Variants in ACOXL observed in about 807,000 individuals in gnomAD.
ACOXL encodes acyl-CoA oxidase like, also known as acyl-coenzyme A oxidase-like protein.
Under a neutral mutation model 71.9 loss-of-function variants are expected in ACOXL, and 70 were observed. The observed-to-expected ratio is 0.97, with a 90% CI of 0.80 to 1.19. The LOEUF is 1.19. ACOXL is among the 50% of genes most tolerant of loss of function. The pLI is 0.00. For synonymous variants in ACOXL, 253 were observed against 281.6 expected, an observed-to-expected ratio of 0.90 and a Z score of 1.02; for missense variants, 703 against 736.3, an observed-to-expected ratio of 0.95 and a Z score of 0.52.
intron 9 of ACOXL, among the ~76,000 whole-genome samples, chr2:110,807,732 C>T (rs796466732): frequency 3.3e-4 from 50 of 152,240 alleles, no homozygotes; most frequent in African/African-American, 1.0e-3. Flanking sequence ...ATGATCTCAC[C>T]GGCCCTCTTG....
intron 17 of ACOXL, 40 bp downstream of exon 17, chr2:111,093,006 G>A: frequency 6.6e-7 from 1 of 1,510,548 alleles, no homozygotes; most frequent in Non-Finnish European, 9.1e-7. Flanking sequence ...TTGTACATCA[G>A]CCCTGGTCTC....
At chr2:111,044,543 C>T (rs2065928304) in intron 15 of ACOXL, among the ~76,000 whole-genome samples, 1 of 152,220 alleles carries the variant, frequency 6.6e-6, no homozygotes, top group Non-Finnish European at 1.5e-5. Flanking sequence ...TTTCTGAGCA[C>T]TGAAGCCCCA....
chr2:111,066,081 G>C (rs186965710), intron 16 of ACOXL, among the ~76,000 whole-genome samples: 12 of 152,276 alleles, frequency 7.9e-5, no homozygotes, highest in Non-Finnish European at 1.3e-4. Context: ...GCATATTAAT[G>C]TACATAGCTG....
intron 1 of ACOXL, among the ~76,000 whole-genome samples, chr2:110,743,797 A>G (rs976261912): frequency 1.3e-5 from 2 of 152,224 alleles, no homozygotes; most frequent in Non-Finnish European, 2.9e-5. Flanking sequence ...GAGCTGCCAC[A>G]TCACCACAGG....
chr2:110,939,545 A>G lies in ACOXL; in HGVS notation c.1059+5903A>G, dbSNP rs2060793233. On this transcript the variant is annotated intron_variant, in intron 12 of 17. Transcript: ENST00000439055. ...TTGTAGGTGTACCATAATGCATTCA[A>G]TCAATTCCTCAGCTTATGTAAAATT... Among the ~76,000 whole-genome samples, 7 of 152,336 alleles carry G rather than the reference A, an allele frequency of 4.6e-5. No individual in the cohort carries two copies. In the South Asian group the frequency reaches 1.2e-3, roughly 27 times the overall value.
chr2:110,966,110 G>A (rs1250723345), intron 12 of ACOXL, among the ~76,000 whole-genome samples: 1 of 152,178 alleles, frequency 6.6e-6, no homozygotes, highest in East Asian at 1.9e-4. Flanking sequence ...TAAGGAAGCA[G>A]GCAAAAGCAG....
chr2:110,806,340 G>T (rs1047883042), intron 9 of ACOXL, among the ~76,000 whole-genome samples: 1 of 152,256 alleles, frequency 6.6e-6, no homozygotes, highest in Non-Finnish European at 1.5e-5. Flanking sequence ...TTTTGTGGTG[G>T]TTCTTTCAGT....
intron 15 of ACOXL, among the ~76,000 whole-genome samples, chr2:111,032,112 C>T (rs1375310238): frequency 1.3e-5 from 2 of 152,160 alleles, no homozygotes; most frequent in African/African-American, 4.8e-5. Flanking sequence ...TAACAGGGGT[C>T]CTGCCTGAGG....
chr2:110,845,373 CCT>C (rs1691697848), intron 10 of ACOXL, among the ~76,000 whole-genome samples: 1 of 152,168 alleles, frequency 6.6e-6, no homozygotes. Flanking sequence ...AAAGGCCCCA[CCT>C]CTTAATATCA....
At chr2:111,039,085 AG>A (rs1268653807) in intron 15 of ACOXL, among the ~76,000 whole-genome samples, 1 of 152,198 alleles carries the variant, frequency 6.6e-6, no homozygotes, top group Non-Finnish European at 1.5e-5. Context: ...GAAACTATTG[AG>A]TTTTTGGAGG....
chr2:110,740,482 T>C (rs1263274250), intron 1 of ACOXL, among the ~76,000 whole-genome samples: 3 of 152,196 alleles, frequency 2.0e-5, no homozygotes, highest in Non-Finnish European at 4.4e-5. Flanking sequence ...AGCCCCACAG[T>C]CACTTTTGGC....
chr2:110,937,535 C>T (rs1451463693), intron 12 of ACOXL, among the ~76,000 whole-genome samples: 1 of 152,074 alleles, frequency 6.6e-6, no homozygotes, highest in Non-Finnish European at 1.5e-5. Flanking sequence ...CACTTGACAC[C>T]TAGCATGGAG....
intron 15 of ACOXL, among the ~76,000 whole-genome samples, chr2:111,046,794 G>A (rs1376255390): frequency 6.6e-6 from 1 of 152,174 alleles, no homozygotes; most frequent in African/African-American, 2.4e-5. Flanking sequence ...TGAGGAGACA[G>A]GGAGGGAGTG....
At chr2:111,058,536 G>A (rs1489118199) in intron 16 of ACOXL, among the ~76,000 whole-genome samples, 3 of 152,164 alleles carry the variant, frequency 2.0e-5, no homozygotes, top group Admixed American at 6.5e-5. Context: ...AACTGGAAAC[G>A]TTAAGAGACT....
intron 10 of ACOXL, chr2:110,887,360 GGCCACCTCTCACGGA>G (rs1480140680): frequency 6.5e-6 from 1 of 152,910 alleles, no homozygotes; most frequent in African/African-American, 2.4e-5. Context: ...CCAGCCTAGT[GGCCACCTCTCACGGA>G]CAGGCACCCG....
intron 1 of ACOXL, among the ~76,000 whole-genome samples, chr2:110,766,172 T>G (rs868475018): frequency 1.3e-5 from 2 of 152,344 alleles, no homozygotes; most frequent in South Asian, 2.1e-4. Context: ...TTATCATTCA[T>G]GTTGTGATGT....
chr2:110,774,034 T>C (rs897360197), intron 2 of ACOXL, among the ~76,000 whole-genome samples: 2 of 152,238 alleles, frequency 1.3e-5, no homozygotes, highest in Non-Finnish European at 2.9e-5. Flanking sequence ...GCAACCATTC[T>C]GCATTAAAAA....
At chr2:110,911,783 C>T (rs1348470675) in intron 11 of ACOXL, among the ~76,000 whole-genome samples, 1 of 152,066 alleles carries the variant, frequency 6.6e-6, no homozygotes, top group Non-Finnish European at 1.5e-5. Flanking sequence ...ATTGAATGCT[C>T]TCTCCCTAAG....
chr2:111,068,319 G>T (rs2067172663), intron 16 of ACOXL, among the ~76,000 whole-genome samples: 1 of 152,212 alleles, frequency 6.6e-6, no homozygotes, highest in African/African-American at 2.4e-5. Context: ...CGTGACCTGG[G>T]GGTATGGTGG....
Sources: allele counts gnomAD v4.1 joint callset (sites outside exome capture counted in the v4.1 genomes callset), GRCh38; gene constraint gnomAD v4.1.1; transcripts MANE v1.5; gene names NCBI Gene and HGNC (gene_info 2026-07-23, HGNC 2026-07-21).